Variants in LRRC63 observed in about 807,000 individuals in gnomAD.
LRRC63 encodes the protein leucine rich repeat containing 63.
A neutral mutation model predicts 49.5 loss-of-function variants in LRRC63; 40 were observed. The observed-to-expected ratio is 0.81, with a 90% CI of 0.63 to 1.05. The LOEUF is 1.05. Among genes scored for constraint, LRRC63 ranks in the 50% least tolerant of loss-of-function variants. LRRC63 has a pLI of 0.00. For synonymous variants in LRRC63, 191 were observed against 221.1 expected, an observed-to-expected ratio of 0.86 and a Z score of 1.21; for missense variants, 636 against 663.1, an observed-to-expected ratio of 0.96 and a Z score of 0.45.
intron 7 of LRRC63, among the ~76,000 whole-genome samples, chr13:46,258,124 C>CT (rs61630248): frequency 0.069 from 6,927 of 100,506 alleles, 732 homozygotes; most frequent in African/African-American, 0.24. Context: ...GTGACCTACT[C>CT]TTTTTTTTTT....
intron 8 of LRRC63, among the ~76,000 whole-genome samples, chr13:46,262,711 T>C (rs936027780): frequency 6.6e-6 from 1 of 152,176 alleles, no homozygotes; most frequent in Non-Finnish European, 1.5e-5. Flanking sequence ...CGTCATATTT[T>C]TCTTAATAAC....
chr13:46,227,455 TTGTC>T, intron 2 of LRRC63, 53 bp from the exon 3 acceptor site: 1 of 1,157,774 alleles, frequency 8.6e-7, no homozygotes, highest in Non-Finnish European at 1.2e-6. Context: ...CTAAGATATT[TTGTC>T]TGTGACATAT....
At chr13:46,264,554 A>C (rs1190354630) in intron 8 of LRRC63, among the ~76,000 whole-genome samples, 1 of 151,978 alleles carries the variant, frequency 6.6e-6, no homozygotes, top group Admixed American at 6.6e-5. Flanking sequence ...AGTTTTACAC[A>C]TCATGCATTT....
chr13:46,253,741 A>G (rs2047442164), intron 7 of LRRC63, among the ~76,000 whole-genome samples: 1 of 152,170 alleles, frequency 6.6e-6, no homozygotes, highest in South Asian at 2.1e-4. Flanking sequence ...GAAAATATTT[A>G]TAATTTATTT....
chr13:46,269,899 C>CTATACACATATATA (rs757634528), intron 9 of LRRC63, among the ~76,000 whole-genome samples: 1 of 114,312 alleles, frequency 8.7e-6, no homozygotes, highest in African/African-American at 2.9e-5. Context: ...ATAGTAGACA[C>CTATACACATATATA]TATATACATA....
intron 5 of LRRC63, among the ~76,000 whole-genome samples, chr13:46,241,005 A>G (rs2047046070): frequency 6.6e-6 from 1 of 152,226 alleles, no homozygotes; most frequent in African/African-American, 2.4e-5. Flanking sequence ...ATATGGAACC[A>G]AAAAAGAGCC....
intron 1 of LRRC63, 145 bp from the exon 2 acceptor site, chr13:46,212,857 C>T: frequency 3.9e-6 from 2 of 506,964 alleles, no homozygotes; most frequent in Admixed American, 3.7e-5. Flanking sequence ...TTTTCTTACC[C>T]TCTTTTTTTT....
At chr13:46,272,711 A>C (rs1413314620) in intron 9 of LRRC63, among the ~76,000 whole-genome samples, 1 of 152,238 alleles carries the variant, frequency 6.6e-6, no homozygotes. Flanking sequence ...GAGTGGTAAA[A>C]TAACTTATGG....
Position 46,265,969 on chromosome 13 carries a change from A to G in LRRC63, c.1311-764A>G, listed in dbSNP as rs114849317. On this transcript the variant is annotated intron_variant, in intron 8 of 9. Coordinates refer to ENST00000595396, the Ensembl canonical transcript of LRRC63. ...CATAAATAAGTTACACTGTGTAGATATGAGTTATGAAACTAGACTGTAAAT... is the reference window on the plus strand; with the variant it reads ...CATAAATAAGTTACACTGTGTAGATGTGAGTTATGAAACTAGACTGTAAAT... Among the ~76,000 whole-genome samples the G allele has an allele frequency of 5.4e-3, 825 of 151,530 alleles. 7 individuals carry two copies. The highest frequency in any genetic ancestry group is 0.019 in the African/African-American group (795 of 41,236).
At chr13:46,256,320 C>A (rs745689874) in intron 7 of LRRC63, among the ~76,000 whole-genome samples, 1 of 152,066 alleles carries the variant, frequency 6.6e-6, no homozygotes, top group Non-Finnish European at 1.5e-5. Context: ...ATATATGTGC[C>A]AACTTTCATG....
At chr13:46,266,701 ACCT>A in intron 8 of LRRC63, 29 bp from the exon 9 acceptor site, 1 of 1,494,730 alleles carries the variant, frequency 6.7e-7, no homozygotes, top group African/African-American at 1.4e-5. Flanking sequence ...ATTGTATAAT[ACCT>A]TTTAAAGTGT....
intron 7 of LRRC63, among the ~76,000 whole-genome samples, chr13:46,259,564 A>T (rs1358832470): frequency 1.3e-5 from 2 of 152,210 alleles, no homozygotes; most frequent in African/African-American, 4.8e-5. Context: ...AAAGAACCGA[A>T]CAGCCTATTT....
chr13:46,225,916 A>G (rs2046559786), intron 2 of LRRC63, among the ~76,000 whole-genome samples: 1 of 152,162 alleles, frequency 6.6e-6, no homozygotes, highest in Non-Finnish European at 1.5e-5. Flanking sequence ...ACACAAGCCA[A>G]GGGAAGGAGG....
chr13:46,228,599 C>A, intron 3 of LRRC63, 66 bp from the exon 4 acceptor site: 1 of 931,474 alleles, frequency 1.1e-6, no homozygotes, highest in South Asian at 1.5e-5. Context: ...ATATTGAAGT[C>A]ATAAAACCCT....
chr13:46,264,797 G>T (rs1176491152), intron 8 of LRRC63, among the ~76,000 whole-genome samples: 1 of 152,188 alleles, frequency 6.6e-6, no homozygotes, highest in African/African-American at 2.4e-5. Context: ...TGAGGAGGAA[G>T]CTTCTCTGCA....
At chr13:46,276,828 G>GTA (rs375853565) in exon 10 of LRRC63, 3,658 of 139,808 alleles carry the variant, frequency 0.026, 87 homozygotes, top group Admixed American at 0.082. Context: ...GTATGTGTGT[G>GTA]TATATATATA....
chr13:46,276,847 T>TATAC (rs2047847727), exon 10 of LRRC63: 1 of 147,910 alleles, frequency 6.8e-6, no homozygotes, highest in Admixed American at 7.7e-5. Flanking sequence ...TATATATATA[T>TATAC]ATATTTATAT....
intron 9 of LRRC63, 116 bp downstream of exon 9, chr13:46,267,088 C>T: frequency 1.1e-6 from 1 of 937,906 alleles, no homozygotes; most frequent in South Asian, 1.9e-5. Context: ...ATGACACACA[C>T]AAAACCATAC....
intron 7 of LRRC63, among the ~76,000 whole-genome samples, chr13:46,258,732 AG>A (rs2047565817): frequency 6.9e-6 from 1 of 145,328 alleles, no homozygotes. Context: ...CGCTTGAACC[AG>A]GGGAGTTGCA....
Sources: allele counts gnomAD v4.1 joint callset (sites outside exome capture counted in the v4.1 genomes callset), GRCh38; gene constraint gnomAD v4.1.1; transcripts MANE v1.5; gene names NCBI Gene and HGNC (gene_info 2026-07-23, HGNC 2026-07-21).